Variants in CTNNA3 observed in about 807,000 individuals in gnomAD.
CTNNA3 encodes catenin alpha 3.
In CTNNA3, 76 loss-of-function variants were observed where a neutral mutation model predicts 95.7. The observed-to-expected ratio is 0.79, with a 90% CI of 0.66 to 0.96. The LOEUF (loss-of-function observed/expected upper bound fraction) is 0.96. CTNNA3 is among the 40% of genes least tolerant of loss of function. The probability of loss-of-function intolerance (pLI) is 0.00; values close to 1 mark genes in which losing one functional copy is unlikely to be tolerated. For missense variants in CTNNA3, 1,191 were observed against 1,089.8 expected (o/e 1.09, Z -1.31); for synonymous variants, 431 against 374.4 (o/e 1.15, Z -1.74).
chr10:66,458,232 G>GT (rs949132135), intron 11 of CTNNA3, among the ~76,000 whole-genome samples: 14 of 152,078 alleles, frequency 9.2e-5, no homozygotes, highest in African/African-American at 3.4e-4. Context: ...TTCAACAGGT[G>GT]TATGAACAAA....
intron 7 of CTNNA3, among the ~76,000 whole-genome samples, chr10:66,857,816 G>A (rs1293672380): frequency 6.6e-6 from 1 of 151,956 alleles, no homozygotes; most frequent in Non-Finnish European, 1.5e-5. Flanking sequence ...AGACACTGTG[G>A]GATTTTCTAG....
At chr10:66,990,588 G>C (rs889531654) in intron 7 of CTNNA3, among the ~76,000 whole-genome samples, 3 of 152,108 alleles carry the variant, frequency 2.0e-5, no homozygotes, top group Non-Finnish European at 2.9e-5. Context: ...CAAGGTAACT[G>C]AGAAATAAAG....
At chr10:67,553,665 C>T (rs1161312564) in intron 3 of CTNNA3, among the ~76,000 whole-genome samples, 1 of 151,036 alleles carries the variant, frequency 6.6e-6, no homozygotes, top group Non-Finnish European at 1.5e-5. Flanking sequence ...AAGAGATATA[C>T]AAAAAAAGAA....
At chr10:67,651,307 CAA>C (rs1839871683) in intron 1 of CTNNA3, among the ~76,000 whole-genome samples, 1 of 152,110 alleles carries the variant, frequency 6.6e-6, no homozygotes, top group Admixed American at 6.6e-5. Context: ...ATTGCAAACT[CAA>C]GTCTCTCATC....
At chr10:66,977,839 T>C (rs567626084) in intron 7 of CTNNA3, among the ~76,000 whole-genome samples, 26 of 152,296 alleles carry the variant, frequency 1.7e-4, no homozygotes, top group Non-Finnish European at 3.2e-4. Flanking sequence ...CTTTATAGCC[T>C]CCTATATGTC....
intron 13 of CTNNA3, among the ~76,000 whole-genome samples, chr10:66,223,394 C>T (rs1360912405): frequency 6.6e-6 from 1 of 151,982 alleles, no homozygotes; most frequent in Non-Finnish European, 1.5e-5. Flanking sequence ...ATTTATATTC[C>T]TTCAGATTTT....
At chr10:67,278,551 A>G (rs971892527) in intron 5 of CTNNA3, among the ~76,000 whole-genome samples, 2 of 152,200 alleles carry the variant, frequency 1.3e-5, no homozygotes, top group Admixed American at 6.5e-5. Flanking sequence ...GTTAAGATAA[A>G]GGATTGTGGA....
chr10:66,891,582 A>G (rs2132495081), intron 7 of CTNNA3, among the ~76,000 whole-genome samples: 1 of 152,312 alleles, frequency 6.6e-6, no homozygotes, highest in African/African-American at 2.4e-5. Context: ...AGATGTCATA[A>G]GCTGCTTCTG....
intron 5 of CTNNA3, among the ~76,000 whole-genome samples, chr10:67,297,211 G>T (rs1241213910): frequency 1.3e-5 from 2 of 152,052 alleles, no homozygotes; most frequent in Non-Finnish European, 2.9e-5. Context: ...AATCTCTTTG[G>T]TAGGCATTAA....
intron 5 of CTNNA3, among the ~76,000 whole-genome samples, chr10:67,445,352 A>G (rs1310564124): frequency 6.6e-6 from 1 of 152,114 alleles, no homozygotes; most frequent in Non-Finnish European, 1.5e-5. Context: ...ATATAAATGA[A>G]CTAAACTCTG....
intron 9 of CTNNA3, among the ~76,000 whole-genome samples, chr10:66,695,966 A>G (rs1589137457): frequency 6.6e-6 from 1 of 151,762 alleles, no homozygotes; most frequent in East Asian, 2.0e-4. Context: ...TCAGGTATCC[A>G]TATTCCAAAA....
intron 12 of CTNNA3, among the ~76,000 whole-genome samples, chr10:66,371,739 G>C (rs570970370): frequency 6.6e-6 from 1 of 152,094 alleles, no homozygotes; most frequent in South Asian, 2.1e-4. Context: ...ATATGCCAGT[G>C]TAAGAGTCTT....
At chr10:67,031,189 T>G (rs992836901) in intron 7 of CTNNA3, among the ~76,000 whole-genome samples, 5 of 152,144 alleles carry the variant, frequency 3.3e-5, no homozygotes, top group Middle Eastern at 3.2e-3. Flanking sequence ...ACCCTCTGAT[T>G]TATATAAATT....
intron 5 of CTNNA3, among the ~76,000 whole-genome samples, chr10:67,300,240 C>G (rs957772162): frequency 6.6e-6 from 1 of 152,158 alleles, no homozygotes; most frequent in East Asian, 1.9e-4. Flanking sequence ...AAAACTCCAT[C>G]CCTGTGGCTT....
intron 11 of CTNNA3, among the ~76,000 whole-genome samples, chr10:66,481,837 A>T (rs1024182185): frequency 6.6e-6 from 1 of 152,184 alleles, no homozygotes; most frequent in Admixed American, 6.5e-5. Context: ...ACATGGTAGG[A>T]ACGACATGTG....
intron 1 of CTNNA3, among the ~76,000 whole-genome samples, chr10:67,746,232 C>T (rs1841374501): frequency 6.6e-6 from 1 of 152,088 alleles, no homozygotes; most frequent in Non-Finnish European, 1.5e-5. Flanking sequence ...GGACACAGAC[C>T]AGTGGAACAG....
At chr10:65,923,835 T>C (rs140230931) in intron 17 of CTNNA3, among the ~76,000 whole-genome samples, 16 of 152,236 alleles carry the variant, frequency 1.1e-4, no homozygotes, top group African/African-American at 3.1e-4. Context: ...GAAAGGGCCA[T>C]ACATAAAAGG....
At chr10:66,392,601 C>A (rs2092942983) in intron 11 of CTNNA3, among the ~76,000 whole-genome samples, 1 of 151,960 alleles carries the variant, frequency 6.6e-6, no homozygotes, top group Admixed American at 6.6e-5. Flanking sequence ...GACACCTCAC[C>A]AAAGACATAC....
chr10:67,228,155 G>A (rs1014401351), intron 5 of CTNNA3, among the ~76,000 whole-genome samples: 1 of 151,876 alleles, frequency 6.6e-6, no homozygotes, highest in Admixed American at 6.6e-5. Context: ...AAACCCAGCA[G>A]AAGAAAGGAA....
Sources: gnomAD v4.1 joint callset for allele counts (sites outside exome capture counted in the v4.1 genomes callset) on GRCh38, gnomAD v4.1.1 for gene constraint, MANE v1.5 for transcripts, NCBI Gene and HGNC (gene_info 2026-07-23, HGNC 2026-07-21) for gene names.